The following NXPH1 variants were observed in gnomAD, a reference collection of about 807,000 sequenced individuals.
NXPH1 encodes the protein neurexophilin 1, also known as neurexophilin-1.
Under a neutral mutation model 23.7 loss-of-function variants are expected in NXPH1, and 5 were observed. The observed-to-expected ratio is 0.21, with a 90% CI of 0.11 to 0.44. The LOEUF (loss-of-function observed/expected upper bound fraction) is 0.44, where lower values mean the gene tolerates loss of function less well. Among genes scored for constraint, NXPH1 ranks in the 20% least tolerant of loss-of-function variants. NXPH1 has a pLI of 0.99. For synonymous variants in NXPH1, 144 were observed against 122.2 expected, an observed-to-expected ratio of 1.18 and a Z score of -1.18; for missense variants, 324 against 321.6, an observed-to-expected ratio of 1.01 and a Z score of -0.06.
intron 2 of NXPH1, among the ~76,000 whole-genome samples, chr7:8,677,904 G>C (rs1820978574): frequency 6.6e-6 from 1 of 151,682 alleles, no homozygotes; most frequent in African/African-American, 2.4e-5. Flanking sequence ...CCAAATAGTT[G>C]CCCAAAGAAT....
chr7:8,555,564 G>A, intron 2 of NXPH1, among the ~76,000 whole-genome samples: 1 of 151,606 alleles, frequency 6.6e-6, no homozygotes, highest in Non-Finnish European at 1.5e-5. Context: ...TTTCTGAAAG[G>A]AGAAAAGAAA....
chr7:8,671,000 A>C (rs112231301), intron 2 of NXPH1, among the ~76,000 whole-genome samples: 3,094 of 152,250 alleles, frequency 0.02, 63 homozygotes, highest in Middle Eastern at 0.048. Context: ...ATGTTCTTTA[A>C]CAAGAAATCA....
At chr7:8,746,426 C>T (rs148738109) in intron 2 of NXPH1, among the ~76,000 whole-genome samples, 24 of 152,268 alleles carry the variant, frequency 1.6e-4, no homozygotes, top group African/African-American at 4.6e-4. Flanking sequence ...AAGCCTTTCC[C>T]ATTATATCAC....
rs536395753 is a variant in NXPH1 at position 8,541,708 on chromosome 7, A to G, written c.54+105941A>G. Among the ~76,000 whole-genome samples, 6 of 151,774 alleles carry G rather than the reference A, an allele frequency of 4.0e-5. No individual in the cohort carries two copies. The South Asian group carries it at 1.2e-3, about 31-fold the overall frequency. On this transcript the variant is annotated intron_variant, in intron 2 of 2. Coordinates refer to ENST00000405863, the MANE Select transcript of NXPH1 (RefSeq NM_152745.3). ...CATGAGTGAGAATCAAATACATGGC[A>G]GTAAAAGCACAAATGCCAGAAGGGG...
intron 2 of NXPH1, among the ~76,000 whole-genome samples, chr7:8,736,145 C>T (rs896858769): frequency 6.6e-6 from 1 of 152,078 alleles, no homozygotes. Context: ...CTGCTCTGAT[C>T]TTAGTTATTT....
At chr7:8,645,504 T>G (rs1405454952) in intron 2 of NXPH1, among the ~76,000 whole-genome samples, 1 of 152,104 alleles carries the variant, frequency 6.6e-6, no homozygotes, top group Non-Finnish European at 1.5e-5. Context: ...TGGCATCTTT[T>G]TCTTTTAAAT....
At chr7:8,693,487 T>C (rs1821254299) in intron 2 of NXPH1, among the ~76,000 whole-genome samples, 1 of 152,214 alleles carries the variant, frequency 6.6e-6, no homozygotes, top group Admixed American at 6.5e-5. Context: ...CTCTAACTCC[T>C]GTCTGTTTAT....
intron 2 of NXPH1, among the ~76,000 whole-genome samples, chr7:8,712,804 C>T (rs535728416): frequency 5.9e-5 from 9 of 151,984 alleles, no homozygotes; most frequent in African/African-American, 1.2e-4. Context: ...AGTCAGAATT[C>T]GAACTCTTAT....
At chr7:8,604,645 T>C (rs1238752824) in intron 2 of NXPH1, among the ~76,000 whole-genome samples, 2 of 152,138 alleles carry the variant, frequency 1.3e-5, no homozygotes, top group Admixed American at 1.3e-4. Flanking sequence ...CTATAATATT[T>C]TATCATACTA....
At chr7:8,730,864 T>C (rs1314762336) in intron 2 of NXPH1, among the ~76,000 whole-genome samples, 1 of 151,224 alleles carries the variant, frequency 6.6e-6, no homozygotes, top group African/African-American at 2.4e-5. Context: ...GTTCTCTGTA[T>C]TTCCTGAATC....
At chr7:8,500,656 AT>A (rs1195723408) in intron 2 of NXPH1, among the ~76,000 whole-genome samples, 1 of 152,078 alleles carries the variant, frequency 6.6e-6, no homozygotes, top group Admixed American at 6.6e-5. Context: ...GTCATATAGA[AT>A]TTTTGAAAGG....
chr7:8,532,468 T>TG (rs761410034), intron 2 of NXPH1, among the ~76,000 whole-genome samples: 3,492 of 20,516 alleles, frequency 0.17, 158 homozygotes, highest in African/African-American at 0.25. Context: ...ATATTTTTTT[T>TG]GGGGGGGGGG....
chr7:8,721,662 C>T (rs1417561799), intron 2 of NXPH1, among the ~76,000 whole-genome samples: 3 of 152,144 alleles, frequency 2.0e-5, no homozygotes, highest in Non-Finnish European at 2.9e-5. Flanking sequence ...CCTGTAGTCC[C>T]AGCTACTCGG....
At chr7:8,561,180 G>A (rs1209380544) in intron 2 of NXPH1, among the ~76,000 whole-genome samples, 1 of 151,570 alleles carries the variant, frequency 6.6e-6, no homozygotes, top group African/African-American at 2.4e-5. Flanking sequence ...ATGCTTCCTT[G>A]TGCTTTGGTG....
intron 2 of NXPH1, among the ~76,000 whole-genome samples, chr7:8,640,435 A>AATATAT (rs201932560): frequency 0.012 from 1,844 of 151,104 alleles, 20 homozygotes; most frequent in Middle Eastern, 0.045. Context: ...TTAAGTATTA[A>AATATAT]ATATATATAT....
chr7:8,684,434 G>C (rs1821114121), intron 2 of NXPH1, among the ~76,000 whole-genome samples: 1 of 152,108 alleles, frequency 6.6e-6, no homozygotes, highest in African/African-American at 2.4e-5. Flanking sequence ...CCATATTCTG[G>C]TTTTATTAAT....
chr7:8,568,776 C>A (rs1044216093), intron 2 of NXPH1, among the ~76,000 whole-genome samples: 3 of 151,596 alleles, frequency 2.0e-5, no homozygotes, highest in African/African-American at 7.3e-5. Context: ...TGATGGAGGG[C>A]TTTTTCTTTG....
At chr7:8,591,857 T>C (rs558773144) in intron 2 of NXPH1, among the ~76,000 whole-genome samples, 1,746 of 151,632 alleles carry the variant, frequency 0.012, 20 homozygotes, top group South Asian at 0.056. Flanking sequence ...TTTTTTTTTT[T>C]TTTTGATAGT....
intron 2 of NXPH1, among the ~76,000 whole-genome samples, chr7:8,562,253 G>T (rs1418236324): frequency 2.0e-5 from 3 of 151,702 alleles, no homozygotes; most frequent in Non-Finnish European, 1.5e-5. Flanking sequence ...TTAAGAAGAG[G>T]TTGGAACAGT....
Sources: allele counts gnomAD v4.1 joint callset (sites outside exome capture counted in the v4.1 genomes callset), GRCh38; gene constraint gnomAD v4.1.1; transcripts MANE v1.5; gene names NCBI Gene and HGNC (gene_info 2026-07-23, HGNC 2026-07-21).